MSR1: variants seen among roughly 807,000 people sequenced by gnomAD.
MSR1 encodes macrophage scavenger receptor 1, also known as macrophage scavenger receptor types I and II.
Under a neutral mutation model 47.2 loss-of-function variants are expected in MSR1, and 53 were observed. The observed-to-expected ratio is 1.12, with a 90% confidence interval of 0.90 to 1.41. The LOEUF (loss-of-function observed/expected upper bound fraction) is 1.41. MSR1 is among the 40% of genes most tolerant of loss of function. The pLI is 0.00. For synonymous variants in MSR1, 239 were observed against 185.6 expected (o/e 1.29, Z -2.34); for missense variants, 786 against 546.9 (o/e 1.44, Z -4.36).
intron 1 of MSR1, among the ~76,000 whole-genome samples, chr8:16,186,918 C>A (rs906629607): frequency 6.6e-6 from 1 of 152,052 alleles, no homozygotes; most frequent in Non-Finnish European, 1.5e-5. Flanking sequence ...CATGGCCTCA[C>A]CTTGTTGATT....
At position 16,120,625 on chromosome 8, in the gene MSR1, A is replaced by C. The variant is rs1799981248; in HGVS notation, c.1034-19T>G. ...AATGGAGCTGTAAAGTTAAAAAAAA[A>C]AAAAAAAAAAAAAAAAGGCAAGCAA... On this transcript the variant is annotated intron_variant, in intron 8 of 9. Transcript: ENST00000262101. 2.6e-6 allele frequency: 4 copies of C among 1,516,980 alleles called. No homozygotes were observed. Among genetic ancestry groups the C allele is most frequent in the Non-Finnish European group, 3.6e-6 (4 of 1,125,702 alleles). 94.0% of individuals were successfully genotyped at this position (1,516,980 alleles called of 1,614,324 possible). A position where few individuals can be genotyped will look rare whatever the true frequency, so the allele number is the denominator to read the frequency against.
intron 8 of MSR1, chr8:16,141,016 C>A: frequency 1.2e-6 from 2 of 1,613,678 alleles, no homozygotes; most frequent in Middle Eastern, 1.7e-4. Flanking sequence ...GAGGGCCCTG[C>A]CCTAATATGA....
chr8:16,187,364 CAAAAAAAA>C lies in MSR1; in HGVS notation c.-5+5226_-5+5233del, dbSNP rs751848634. ...GGCAACAAGAATAAAACTCTGTCTC[CAAAAAAAA>C]AAAAAAAAAAAAAAAAAGGAAAGAA... is the stretch of plus-strand genomic sequence containing the variant. On this transcript the variant is annotated intron_variant, in intron 1 of 9. Transcript: ENST00000262101. Among the ~76,000 whole-genome samples, 35 of 35,420 alleles carry C rather than the reference CAAAAAAAA, an allele frequency of 9.9e-4. 1 individual carries two copies. Among genetic ancestry groups the C allele is most frequent in the African/African-American group, 3.8e-3 (31 of 8,262 alleles). The allele number at this position is 35,420 out of a possible 152,430, so 23.2% of individuals were successfully genotyped here.
intron 8 of MSR1, among the ~76,000 whole-genome samples, chr8:16,135,640 A>G (rs568584632): frequency 2.0e-5 from 3 of 152,312 alleles, no homozygotes; most frequent in Non-Finnish European, 4.4e-5. Flanking sequence ...TAAGAAATAC[A>G]TCTTGTAAGG....
intron 6 of MSR1, among the ~76,000 whole-genome samples, chr8:16,152,115 A>C (rs1181379962): frequency 6.6e-6 from 1 of 152,054 alleles, no homozygotes; most frequent in African/African-American, 2.4e-5. Flanking sequence ...TCAGTAATAC[A>C]ATCATTATTT....
intron 5 of MSR1, 103 bp downstream of exon 5, chr8:16,163,962 A>G (rs906455047): frequency 1.5e-5 from 14 of 935,460 alleles, no homozygotes; most frequent in African/African-American, 8.4e-5. Flanking sequence ...AAGCTCAGAA[A>G]CTATTTATTT....
intron 8 of MSR1, among the ~76,000 whole-genome samples, chr8:16,128,200 T>A (rs17122479): frequency 0.011 from 1,731 of 152,226 alleles, 47 homozygotes; most frequent in African/African-American, 0.04. Context: ...GCTGCAGAGA[T>A]CCTGCCCACA....
At chr8:16,170,058 T>G (rs1206535278) in intron 3 of MSR1, among the ~76,000 whole-genome samples, 1 of 152,074 alleles carries the variant, frequency 6.6e-6, no homozygotes, top group Non-Finnish European at 1.5e-5. Flanking sequence ...TAACTTTTTA[T>G]GCAAAAATAG....
intron 7 of MSR1, among the ~76,000 whole-genome samples, 196 bp downstream of exon 7, chr8:16,150,035 C>T (rs1800804378): frequency 6.6e-6 from 1 of 150,690 alleles, no homozygotes; most frequent in South Asian, 2.1e-4. Flanking sequence ...AAAATAACTG[C>T]ATGTGAATAC....
At chr8:16,176,871 C>T (rs35232174) in intron 2 of MSR1, among the ~76,000 whole-genome samples, 1 of 152,264 alleles carries the variant, frequency 6.6e-6, no homozygotes, top group East Asian at 1.9e-4. Flanking sequence ...ATCCACTGTG[C>T]CCTGGAGTTG....
chr8:16,159,986 A>G (rs376473196), intron 5 of MSR1, among the ~76,000 whole-genome samples: 1 of 152,036 alleles, frequency 6.6e-6, no homozygotes, highest in Non-Finnish European at 1.5e-5. Context: ...ATCACAGTCA[A>G]ATTAGTTGAA....
chr8:16,119,885 T>TC (rs1799956887), intron 9 of MSR1, among the ~76,000 whole-genome samples: 1 of 150,090 alleles, frequency 6.7e-6, no homozygotes, highest in African/African-American at 2.5e-5. Context: ...TTTTTTTTTT[T>TC]TTTTTTAATT....
chr8:16,144,120 C>A (rs565964503), intron 7 of MSR1, among the ~76,000 whole-genome samples: 1 of 152,040 alleles, frequency 6.6e-6, no homozygotes, highest in Non-Finnish European at 1.5e-5. Context: ...GTTCACATCT[C>A]CAGGATGATC....
intron 1 of MSR1, 101 bp downstream of exon 1, chr8:16,192,497 A>G (rs1057492347): frequency 6.6e-6 from 1 of 151,982 alleles, no homozygotes; most frequent in South Asian, 2.1e-4. Context: ...ACAAATATAT[A>G]TCACACACAT....
At chr8:16,167,947 T>G (rs905186505) in intron 4 of MSR1, among the ~76,000 whole-genome samples, 2 of 152,148 alleles carry the variant, frequency 1.3e-5, no homozygotes, top group Non-Finnish European at 2.9e-5. Context: ...AAACGGAATA[T>G]CAACATGTTG....
At chr8:16,131,438 ATAGTTT>A (rs1014776191) in intron 8 of MSR1, among the ~76,000 whole-genome samples, 3 of 96,080 alleles carry the variant, frequency 3.1e-5, no homozygotes, top group Non-Finnish European at 5.7e-5. Flanking sequence ...TACTCTGTTG[ATAGTTT>A]TTTTTTTTTT....
chr8:16,166,483 C>T (rs2117176269), intron 4 of MSR1, among the ~76,000 whole-genome samples: 1 of 152,116 alleles, frequency 6.6e-6, no homozygotes, highest in East Asian at 1.9e-4. Context: ...TTATTATTCC[C>T]TTCTTTGAAA....
intron 8 of MSR1, among the ~76,000 whole-genome samples, chr8:16,124,843 C>T (rs887483094): frequency 8.5e-5 from 13 of 152,266 alleles, no homozygotes; most frequent in African/African-American, 3.1e-4. Context: ...GAATGGTAAG[C>T]TTCTCTTGAT....
At chr8:16,169,827 T>C (rs930046185) in intron 3 of MSR1, among the ~76,000 whole-genome samples, 11 of 152,110 alleles carry the variant, frequency 7.2e-5, no homozygotes, top group African/African-American at 2.7e-4. Context: ...AGTTTGCCTC[T>C]GTTTTCAGTA....
Sources: allele counts gnomAD v4.1 joint callset (sites outside exome capture counted in the v4.1 genomes callset), GRCh38; gene constraint gnomAD v4.1.1; transcripts MANE v1.5; gene names NCBI Gene and HGNC (gene_info 2026-07-23, HGNC 2026-07-21).